CHCHD6: variants seen among roughly 807,000 people sequenced by gnomAD.
CHCHD6 encodes the protein MICOS complex subunit MIC25.
Under a neutral mutation model 32.3 loss-of-function variants are expected in CHCHD6, and 28 were observed. That is an observed-to-expected ratio of 0.87 (90% CI 0.64 to 1.19). The LOEUF (loss-of-function observed/expected upper bound fraction) is 1.19, where lower values mean the gene tolerates loss of function less well. Among genes scored for constraint, CHCHD6 ranks in the 50% most tolerant of loss-of-function variants. The pLI, the probability that CHCHD6 is intolerant of heterozygous loss-of-function variation, is 0.00. For missense variants in CHCHD6, 333 were observed against 307.0 expected, an observed-to-expected ratio of 1.08 and a Z score of -0.63; for synonymous variants, 122 against 117.5, an observed-to-expected ratio of 1.04 and a Z score of -0.25.
At chr3:126,941,734 G>C (rs914240095) in intron 6 of CHCHD6, among the ~76,000 whole-genome samples, 3 of 152,156 alleles carry the variant, frequency 2.0e-5, no homozygotes, top group African/African-American at 7.2e-5. Flanking sequence ...TACAGAATTT[G>C]CTTCATCACC....
chr3:126,712,636 A>G (rs897600239), intron 1 of CHCHD6, among the ~76,000 whole-genome samples: 2 of 152,104 alleles, frequency 1.3e-5, no homozygotes, highest in Admixed American at 1.3e-4. Context: ...CAGTGGCACT[A>G]GTGTCCAGCA....
chr3:126,785,422 A>G (rs60682013), intron 4 of CHCHD6, among the ~76,000 whole-genome samples: 5,653 of 152,242 alleles, frequency 0.037, 167 homozygotes, highest in East Asian at 0.14. Context: ...TGAACATTTT[A>G]TCTTCTAGCT....
intron 5 of CHCHD6, among the ~76,000 whole-genome samples, chr3:126,863,305 T>A: frequency 7.7e-6 from 1 of 129,288 alleles, no homozygotes; most frequent in African/African-American, 3.1e-5. Context: ...CTCCTCCTCC[T>A]CCTCCTCCAT....
chr3:126,796,418 T>C (rs1038583773), intron 4 of CHCHD6, among the ~76,000 whole-genome samples: 1 of 152,288 alleles, frequency 6.6e-6, no homozygotes, highest in East Asian at 1.9e-4. Flanking sequence ...CCCCCCGGGA[T>C]TGCCTGCTCA....
intron 1 of CHCHD6, among the ~76,000 whole-genome samples, chr3:126,712,213 A>G (rs574359301): frequency 6.6e-6 from 1 of 152,324 alleles, no homozygotes; most frequent in Admixed American, 6.5e-5. Flanking sequence ...CTGTCTACAC[A>G]ACCACACTGT....
intron 6 of CHCHD6, among the ~76,000 whole-genome samples, chr3:126,915,250 G>T (rs2078152452): frequency 6.6e-6 from 1 of 152,244 alleles, no homozygotes. Context: ...GAGGCTCAGA[G>T]AGCTGCTGGC....
chr3:126,719,655 G>T (rs114911533), intron 1 of CHCHD6, among the ~76,000 whole-genome samples: 1 of 152,182 alleles, frequency 6.6e-6, no homozygotes, highest in East Asian at 1.9e-4. Flanking sequence ...GAAACAGTGT[G>T]TTTACTGGGT....
intron 4 of CHCHD6, among the ~76,000 whole-genome samples, chr3:126,809,203 G>A (rs1429789761): frequency 3.3e-5 from 5 of 152,076 alleles, no homozygotes; most frequent in African/African-American, 7.2e-5. Context: ...GGAACTCCTG[G>A]CATCAAGTGA....
rs767415870 is a variant in CHCHD6, at chr3:126,957,518, G to A, written c.669G>A (p.Lys223=). 6.3e-7 allele frequency: 1 copy of A among 1,587,296 alleles called. No individual in the cohort carries two copies. Among genetic ancestry groups the A allele is most frequent in the Non-Finnish European group, 8.6e-7 (1 of 1,167,192 alleles). ...TGCTGCTGTGCTCGGACCTGGTCAAGGCATACCAGCGCTGCGTGAGCGCCG... is the reference window on the plus strand; with the variant it reads ...TGCTGCTGTGCTCGGACCTGGTCAAAGCATACCAGCGCTGCGTGAGCGCCG... The part of the protein sequence containing the change: ...HEVLLCSDLV[K]AYQRCVSAAH... The change falls in exon 7 of 8, where the codon AAG becomes AAA. Residue 223 remains lysine, a synonymous_variant. Transcript: ENST00000290913.
At chr3:126,717,308 C>T (rs1935067054) in intron 1 of CHCHD6, among the ~76,000 whole-genome samples, 1 of 152,182 alleles carries the variant, frequency 6.6e-6, no homozygotes. Context: ...CTCTCATCCT[C>T]ATGACCTTAT....
chr3:126,836,297 C>G (rs1940858935), intron 4 of CHCHD6, among the ~76,000 whole-genome samples: 1 of 152,178 alleles, frequency 6.6e-6, no homozygotes, highest in South Asian at 2.1e-4. Context: ...CACTCAGAGG[C>G]CTTTGCATTG....
At chr3:126,843,215 G>T (rs1280405283) in intron 4 of CHCHD6, among the ~76,000 whole-genome samples, 1 of 152,122 alleles carries the variant, frequency 6.6e-6, no homozygotes, top group Non-Finnish European at 1.5e-5. Context: ...TTAATGTGGT[G>T]AAGTACGTTG....
intron 5 of CHCHD6, among the ~76,000 whole-genome samples, chr3:126,853,750 C>T (rs149251227): frequency 7.2e-5 from 11 of 152,284 alleles, no homozygotes; most frequent in African/African-American, 2.6e-4. Flanking sequence ...TGGCAGTGCA[C>T]CTCTGAGCTG....
intron 5 of CHCHD6, among the ~76,000 whole-genome samples, chr3:126,895,211 A>G (rs988213241): frequency 1.3e-5 from 2 of 152,192 alleles, no homozygotes; most frequent in Non-Finnish European, 2.9e-5. Context: ...CTTCAAATCA[A>G]TGTGATCTAA....
intron 5 of CHCHD6, among the ~76,000 whole-genome samples, chr3:126,868,618 A>G (rs917016826): frequency 6.6e-6 from 1 of 152,196 alleles, no homozygotes; most frequent in East Asian, 1.9e-4. Flanking sequence ...GGCTTCTGCT[A>G]TGGTAAAATT....
At chr3:126,845,836 A>G (rs1576486684) in intron 4 of CHCHD6, among the ~76,000 whole-genome samples, 1 of 152,194 alleles carries the variant, frequency 6.6e-6, no homozygotes, top group South Asian at 2.1e-4. Flanking sequence ...CTGGTAGAAT[A>G]AGGGTCTCTA....
At chr3:126,875,998 T>A (rs750956598) in intron 5 of CHCHD6, among the ~76,000 whole-genome samples, 1 of 152,192 alleles carries the variant, frequency 6.6e-6, no homozygotes, top group Non-Finnish European at 1.5e-5. Flanking sequence ...ACAACAGCTT[T>A]CAGTAAAATA....
intron 4 of CHCHD6, among the ~76,000 whole-genome samples, chr3:126,796,502 A>G (rs904983265): frequency 6.6e-6 from 1 of 152,008 alleles, no homozygotes; most frequent in Non-Finnish European, 1.5e-5. Context: ...GGGAACATTT[A>G]TTCTTATAAC....
At chr3:126,867,822 C>T (rs552322879) in intron 5 of CHCHD6, among the ~76,000 whole-genome samples, 63 of 152,302 alleles carry the variant, frequency 4.1e-4, no homozygotes, top group African/African-American at 1.5e-3. Flanking sequence ...GATGGTGGCT[C>T]CTTGCTAATC....
Sources: allele counts gnomAD v4.1 joint callset (sites outside exome capture counted in the v4.1 genomes callset), GRCh38; gene constraint gnomAD v4.1.1; transcripts MANE v1.5; gene names NCBI Gene and HGNC (gene_info 2026-07-23, HGNC 2026-07-21).